The following ANKAR variants were observed in gnomAD, a reference collection of about 807,000 sequenced individuals.
ANKAR encodes the protein ankyrin and armadillo repeat-containing protein.
A neutral mutation model predicts 146.2 loss-of-function variants in ANKAR; 136 were observed. That is an observed-to-expected ratio of 0.93 (90% CI 0.81 to 1.07). ANKAR has a LOEUF of 1.07. Among genes scored for constraint, ANKAR ranks in the 50% least tolerant of loss-of-function variants. The probability of loss-of-function intolerance (pLI) is 0.00; values close to 1 mark genes in which losing one functional copy is unlikely to be tolerated. For missense variants in ANKAR, 1,567 were observed against 1,679.9 expected (o/e 0.93, Z 1.18); for synonymous variants, 500 against 575.8 (o/e 0.87, Z 1.88).
intron 7 of ANKAR, among the ~76,000 whole-genome samples, chr2:189,702,052 G>A (rs541487356): frequency 1.2e-4 from 19 of 152,216 alleles, no homozygotes; most frequent in Non-Finnish European, 2.2e-4. Flanking sequence ...CTCTCCCCCT[G>A]TCCCTTAGGC....
intron 22 of ANKAR, 98 bp downstream of exon 22, chr2:189,744,886 A>T (rs2043826656): frequency 1.1e-6 from 1 of 919,298 alleles, no homozygotes; most frequent in Non-Finnish European, 1.7e-6. Flanking sequence ...GGCCGGGCAC[A>T]GTGGCTCATG....
At chr2:189,693,955 G>A (rs559222304) in intron 5 of ANKAR, among the ~76,000 whole-genome samples, 2 of 152,042 alleles carry the variant, frequency 1.3e-5, no homozygotes, top group Non-Finnish European at 2.9e-5. Flanking sequence ...TGCCATGTTG[G>A]TCAGGCTGGT....
intron 2 of ANKAR, among the ~76,000 whole-genome samples, chr2:189,682,794 C>T (rs970597931): frequency 6.6e-6 from 1 of 152,142 alleles, no homozygotes; most frequent in African/African-American, 2.4e-5. Flanking sequence ...GAGCATCAAC[C>T]CAAGAATGTG....
chr2:189,721,141 C>G (rs1164125732), intron 12 of ANKAR, among the ~76,000 whole-genome samples: 1 of 152,100 alleles, frequency 6.6e-6, no homozygotes, highest in South Asian at 2.1e-4. Context: ...GCATGCACCA[C>G]CACGTCCGGC....
intron 17 of ANKAR, among the ~76,000 whole-genome samples, chr2:189,734,123 T>C (rs1484542873): frequency 1.3e-5 from 2 of 152,156 alleles, no homozygotes; most frequent in Non-Finnish European, 2.9e-5. Context: ...CATCATAGCA[T>C]GAGGTATATA....
chr2:189,692,176 A>T, intron 3 of ANKAR, 79 bp from the exon 4 acceptor site: 1 of 1,234,078 alleles, frequency 8.1e-7, no homozygotes, highest in Non-Finnish European at 1.1e-6. Flanking sequence ...TGTTTACATG[A>T]ATGAGAAGCT....
At chr2:189,729,990 A>T (rs2105841933) in intron 15 of ANKAR, among the ~76,000 whole-genome samples, 1 of 152,028 alleles carries the variant, frequency 6.6e-6, no homozygotes, top group South Asian at 2.1e-4. Flanking sequence ...AAAAAAAAAA[A>T]GAGAGAGTTG....
chr2:189,756,990 G>A (rs1482233006), intron 18 of ANKAR, among the ~76,000 whole-genome samples: 1 of 151,994 alleles, frequency 6.6e-6, no homozygotes, highest in Non-Finnish European at 1.5e-5. Context: ...TGCCTTTTCT[G>A]TGTATTTTAT....
intron 20 of ANKAR, 112 bp from the exon 21 acceptor site, chr2:189,743,163 T>C: frequency 1.0e-6 from 1 of 1,002,216 alleles, no homozygotes; most frequent in Admixed American, 2.6e-5. Context: ...ACATATTTGC[T>C]TACACTTGCT....
rs1431812393 is a variant in ANKAR at position 189,736,513 on chromosome 2, T to G, written c.3424-1170T>G. Among the ~76,000 whole-genome samples, 5 of 142,014 alleles carry G rather than the reference T, an allele frequency of 3.5e-5. 1 individual carries two copies. Among genetic ancestry groups the G allele is most frequent in the Non-Finnish European group, 6.1e-5 (4 of 65,136 alleles). The allele number at this position is 142,014 out of a possible 152,430, so 93.2% of individuals were successfully genotyped here. A position where few individuals can be genotyped will look rare whatever the true frequency, so the allele number is the denominator to read the frequency against. ...TAGGTGACTGGGTTTTGTGTGTGTG[T>G]GTGTGTGTGTGTGTGTGTGTGTGTG... On this transcript the variant is annotated intron_variant, in intron 17 of 22. Coordinates refer to ENST00000684021, the MANE Select transcript of ANKAR (RefSeq NM_001378068.1).
intron 18 of ANKAR, chr2:189,755,176 G>A (rs761494645): frequency 1.2e-6 from 2 of 1,600,742 alleles, no homozygotes; most frequent in Non-Finnish European, 1.7e-6. Flanking sequence ...TAATTACCTT[G>A]TCAAGCATGT....
At chr2:189,719,173 TAA>T (rs2040947703) in intron 10 of ANKAR, among the ~76,000 whole-genome samples, 1 of 152,214 alleles carries the variant, frequency 6.6e-6, no homozygotes, top group South Asian at 2.1e-4. Flanking sequence ...TAAAATATAA[TAA>T]AATACTCAAA....
downstream of ANKAR, chr2:189,750,750 TATCAAA>T: frequency 1.2e-6 from 1 of 856,388 alleles, no homozygotes; most frequent in Non-Finnish European, 1.7e-6. Flanking sequence ...ATGGTATAAA[TATCAAA>T]TATTTAATTC....
In ANKAR at chr2:189,696,481, AG is replaced by A. The variant is rs1244692244; in HGVS notation, c.1708+113del. 20 of 1,004,582 alleles carry A rather than the reference AG, an allele frequency of 2.0e-5. No individual in the cohort carries two copies. The African/African-American group carries it at 3.3e-4, about 16-fold the overall frequency. 62.2% of individuals were successfully genotyped at this position (1,004,582 alleles called of 1,614,324 possible). A position where few individuals can be genotyped will look rare whatever the true frequency, so the allele number is the denominator to read the frequency against. On this transcript the variant is annotated intron_variant, in intron 7 of 22. Coordinates refer to ENST00000684021, the MANE Select transcript of ANKAR (RefSeq NM_001378068.1). ...TAAAATTTGGTATTAACTAGAGCAA[AG>A]TTGAGGTTTTTGTTTCATTTATCTA...
At chr2:189,748,449 C>T (rs530300146), downstream of ANKAR, among the ~76,000 whole-genome samples, 1 of 152,310 alleles carries the variant, frequency 6.6e-6, no homozygotes, top group South Asian at 2.1e-4. Flanking sequence ...GTCCCGAATT[C>T]CTGGCCTCAA....
At chr2:189,745,150 C>T (rs1440102798) in intron 22 of ANKAR, among the ~76,000 whole-genome samples, 4 of 151,846 alleles carry the variant, frequency 2.6e-5, no homozygotes, top group Non-Finnish European at 5.9e-5. Flanking sequence ...GAGATCGCAC[C>T]ACTGCACTCT....
Position 189,743,381 on chromosome 2 carries a change from TA to T in ANKAR, c.3923del (p.Asn1308IlefsTer14). The T allele has an allele frequency of 6.2e-7, 1 of 1,613,978 alleles. No individual in the cohort carries two copies. The highest frequency in any genetic ancestry group is 8.5e-7 in the Non-Finnish European group (1 of 1,179,906). On this transcript the variant is annotated frameshift_variant, in exon 21 of 23. Transcript: ENST00000684021. LOFTEE classifies it high-confidence loss of function. ...CRNKPNQFIR[I>X]KNNISRDASI... ...AATAAACCTAATCAGTTCATTCGTA[TA>T]AAAAATAATATCAGCAGAGATGCAA...
At chr2:189,683,309 G>A (rs141108302) in intron 2 of ANKAR, among the ~76,000 whole-genome samples, 18 of 152,306 alleles carry the variant, frequency 1.2e-4, no homozygotes, top group African/African-American at 3.6e-4. Flanking sequence ...CTCATTAGCC[G>A]AAGTTTGAAT....
intron 2 of ANKAR, among the ~76,000 whole-genome samples, chr2:189,687,178 A>G (rs1574380580): frequency 6.6e-6 from 1 of 152,016 alleles, no homozygotes; most frequent in Non-Finnish European, 1.5e-5. Context: ...CATGAGGTCA[A>G]TTGTTTTAAT....
Sources: gnomAD v4.1 joint callset for allele counts (sites outside exome capture counted in the v4.1 genomes callset) on GRCh38, gnomAD v4.1.1 for gene constraint, MANE v1.5 for transcripts, NCBI Gene and HGNC (gene_info 2026-07-23, HGNC 2026-07-21) for gene names.